Variants in SLC26A1 observed in about 807,000 individuals in gnomAD.
The protein encoded by SLC26A1 is sulfate anion transporter 1.
In SLC26A1, 18 loss-of-function variants were observed where a neutral mutation model predicts 14.5. That is an observed-to-expected ratio of 1.24 (90% CI 0.86 to 1.84). SLC26A1 has a LOEUF of 1.84. Among genes scored for constraint, SLC26A1 ranks in the 40% most tolerant of loss-of-function variants. The pLI is 0.00. For synonymous variants in SLC26A1, 505 were observed against 492.0 expected (o/e 1.03, Z -0.35); for missense variants, 1,049 against 1,020.0 (o/e 1.03, Z -0.39).
Position 989,978 on chromosome 4 carries a change from C to T in SLC26A1, c.961G>A (p.Gly321Ser), listed in dbSNP as rs1294491060. The change falls in exon 3 of 3, where the codon GGC becomes AGC. Residue 321 changes from glycine to serine, a missense_variant. Coordinates refer to ENST00000398516, the MANE Select transcript of SLC26A1 (RefSeq NM_022042.4). The part of the protein sequence containing the change: ...LHKRFGSSVA[G>S]DIPTGFMPPQ... ...GGCATGAAACCCGTGGGGATGTCGCCAGCCACGCTCGAGCCAAAGCGCTTG... is the reference window on the plus strand; with the variant it reads ...GGCATGAAACCCGTGGGGATGTCGCTAGCCACGCTCGAGCCAAAGCGCTTG... The T allele has an allele frequency of 6.4e-7, 1 of 1,558,066 alleles. No homozygotes were observed. The highest frequency in any genetic ancestry group is 8.7e-7 in the Non-Finnish European group (1 of 1,152,860).
chr4:986,062 G>A (rs1335448148), downstream of SLC26A1, among the ~76,000 whole-genome samples: 1 of 152,052 alleles, frequency 6.6e-6, no homozygotes, highest in Non-Finnish European at 1.5e-5. Context: ...GGGCCTCACA[G>A]GCATATACCA....
In SLC26A1 at chr4:989,203, T is replaced by C; in HGVS notation, c.1736A>G (p.Glu579Gly). ...MAARRKEGGS[E>G]TGVGEGGPAQ... is the part of the protein sequence containing the mutation. ...AGGGCCTCCCTCACCGACCCCCGTC[T>C]CTGAGCCCCCCTCCTTCCTCCTGGC... Residue 579 changes from glutamate (E) to glycine (G), a missense_variant, in exon 3 of 3, where the codon GAG becomes GGG. By Grantham distance (98) the Glu-to-Gly change is moderately conservative (BLOSUM62 -2). Coordinates refer to ENST00000398516, the MANE Select transcript of SLC26A1 (RefSeq NM_022042.4). 1 of 1,608,248 alleles carries C rather than the reference T, an allele frequency of 6.2e-7. No individual in the cohort carries two copies. The highest frequency in any genetic ancestry group is 8.5e-7 in the Non-Finnish European group (1 of 1,176,742).
chr4:981,559 G>A (rs1357907840), intron 2 of SLC26A1, among the ~76,000 whole-genome samples: 1 of 152,164 alleles, frequency 6.6e-6, no homozygotes, highest in African/African-American at 2.4e-5. Flanking sequence ...GCCTGCTTGA[G>A]CCTGAGAGGT....
chr4:992,259 A>T (rs548043291), intron 1 of SLC26A1: 1 of 454,544 alleles, frequency 2.2e-6, no homozygotes, highest in Non-Finnish European at 4.4e-6. Flanking sequence ...TGTCCACCCC[A>T]TGCCCACACC....
chr4:989,771 G>T lies in SLC26A1; in HGVS notation c.1168C>A (p.Leu390Ile). 6.4e-7 allele frequency: 1 copy of T among 1,563,952 alleles called. No homozygotes were observed. The highest frequency in any genetic ancestry group is 1.4e-5 in the African/African-American group (1 of 74,016). ...GCGGCGCTGGTGGCGAAGCAGTGGA[G>T]GAAGGCGGGTAGCACGTTGCAGCAG... ...VGCCNVLPAF[L>I]HCFATSAALA... Residue 390 changes from leucine to isoleucine, a missense_variant, in exon 3 of 3, where the codon CTC becomes ATC. Physicochemically the swap from Leu to Ile is conservative, Grantham distance 5 (BLOSUM62 2). Coordinates refer to ENST00000398516, the MANE Select transcript of SLC26A1 (RefSeq NM_022042.4).
In SLC26A1 at chr4:989,864, G is replaced by A; in HGVS notation, c.1075C>T (p.Leu359=). The A allele has an allele frequency of 6.3e-7, 1 of 1,576,068 alleles. No individual in the cohort carries two copies. The highest frequency in any genetic ancestry group is 8.6e-7 in the Non-Finnish European group (1 of 1,161,886). The change falls in exon 3 of 3, where the codon CTG becomes TTG. Residue 359 remains leucine, a synonymous_variant. Transcript: ENST00000398516. ...ALVAAAFSIS[L]AEMFARSHGY... is the part of the protein sequence containing the mutation. ...TGACTGCGGGCGAACATCTCCGCCAGCGAGATGGAGAAGGCGGCAGCCACG... is the reference window on the plus strand; with the variant it reads ...TGACTGCGGGCGAACATCTCCGCCAACGAGATGGAGAAGGCGGCAGCCACG...
chr4:989,209 C>G lies in SLC26A1; in HGVS notation c.1730G>C (p.Gly577Ala), dbSNP rs776670233. Residue 577 changes from glycine (G) to alanine (A), a missense_variant, in exon 3 of 3, where the codon GGC (glycine) becomes GCC (alanine). Physicochemically the swap from Gly to Ala is moderately conservative, Grantham distance 60. Coordinates refer to ENST00000398516, the MANE Select transcript of SLC26A1 (RefSeq NM_022042.4). ...TCCCTCACCGACCCCCGTCTCTGAG[C>G]CCCCCTCCTTCCTCCTGGCAGCCAT... The part of the protein sequence containing the change: ...GCMAARRKEG[G>A]SETGVGEGGP... 1.1e-5 allele frequency: 17 copies of G among 1,609,266 alleles called. No homozygotes were observed. The South Asian group carries it at 1.7e-4, about 16-fold the overall frequency.
In SLC26A1 at chr4:991,602, C is replaced by T; in HGVS notation, c.102G>A (p.Arg34=). 3 of 1,595,160 alleles carry T rather than the reference C, an allele frequency of 1.9e-6. No individual in the cohort carries two copies. The highest frequency in any genetic ancestry group is 2.6e-6 in the Non-Finnish European group (3 of 1,176,122). Residue 34 remains arginine, a synonymous_variant, in exon 2 of 3, where the codon AGG becomes AGA. Transcript: ENST00000398516. The stretch of plus-strand genomic sequence containing the variant: ...CACTGCACGAGCAGCTGCACCACAG[C>T]CTGGCCTTCAGCATCTCACGCAGAC... ...PRGLREMLKA[R]LWCSCSCSVL...
At position 988,976 on chromosome 4, in the gene SLC26A1, C is replaced by G. The variant is rs1713974322; in HGVS notation, c.1963G>C (p.Asp655His). The part of the protein sequence containing the change: ...LLACCSPPVR[D>H]ILSRGGFLGE... ...AGGAAGCCTCCTCTGCTCAGAATGT[C>G]TCTCACAGGCGGGCTGCAGCAGGCT... The change falls in exon 3 of 3, where the codon GAC becomes CAC. Residue 655 changes from aspartate to histidine, a missense_variant. Asp to His is a moderately conservative substitution (Grantham distance 81, BLOSUM62 -1). Coordinates refer to ENST00000398516, the MANE Select transcript of SLC26A1 (RefSeq NM_022042.4). The G allele has an allele frequency of 1.9e-6, 3 of 1,595,912 alleles. No individual in the cohort carries two copies. The highest frequency in any genetic ancestry group is 2.6e-6 in the Non-Finnish European group (3 of 1,171,850).
chr4:990,305 GC>G lies in SLC26A1; in HGVS notation c.633del (p.Leu212SerfsTer10), dbSNP rs1449890818. The G allele has an allele frequency of 3.7e-6, 6 of 1,605,078 alleles. No homozygotes were observed. Reference sequence around the variant, plus strand: ...GAGGCCCCCATGGCAAAGCCATCGAGCAGTGGCTGTGAGAGGTAGGCGGACA... The same window carrying G: ...GAGGCCCCCATGGCAAAGCCATCGAGAGTGGCTGTGAGAGGTAGGCGGACA... ...GFVSAYLSQP[L>X]LDGFAMGASV... On this transcript the variant is annotated frameshift_variant, in exon 3 of 3. Transcript: ENST00000398516. LOFTEE classifies it low-confidence loss of function (END_TRUNC).
chr4:992,939 G>C (rs1026410194), intron 1 of SLC26A1: 2 of 152,272 alleles, frequency 1.3e-5, no homozygotes, highest in African/African-American at 4.8e-5. Flanking sequence ...TTGCACGCTG[G>C]CCCAGGGTGT....
chr4:987,682 T>G lies in SLC26A1; in HGVS notation c.*1151A>C. ...TTCCTGGCCCTAAGGGTCATTTTAT[T>G]AGTCACTGAACGCACGGGCAGCGCC... On this transcript the variant is annotated 3_prime_UTR_variant, in exon 3 of 3. Transcript: ENST00000398516. 1.3e-6 allele frequency: 2 copies of G among 1,507,116 alleles called. No homozygotes were observed. Among genetic ancestry groups the G allele is most frequent in the East Asian group, 4.9e-5 (2 of 40,654 alleles). 93.4% of individuals were successfully genotyped at this position (1,507,116 alleles called of 1,614,324 possible). A position where few individuals can be genotyped will look rare whatever the true frequency, so the allele number is the denominator to read the frequency against.
chr4:984,916 G>A (rs1159465400), downstream of SLC26A1, among the ~76,000 whole-genome samples: 1 of 152,226 alleles, frequency 6.6e-6, no homozygotes, highest in Non-Finnish European at 1.5e-5. Flanking sequence ...CATGCACTTT[G>A]TAATAATTTT....
At position 991,621 on chromosome 4, in the gene SLC26A1, C is replaced by CGCA; in HGVS notation, c.80_82dup (p.Leu27dup). Reference sequence around the variant, plus strand: ...CCACAGCCTGGCCTTCAGCATCTCACGCAGACCCCGGGGTGCTGGGCGCTG... The same window carrying CGCA: ...CCACAGCCTGGCCTTCAGCATCTCACGCAGCAGACCCCGGGGTGCTGGGCGCTG... On this transcript the variant is annotated inframe_insertion, in exon 2 of 3. Coordinates refer to ENST00000398516, the MANE Select transcript of SLC26A1 (RefSeq NM_022042.4). The CGCA allele has an allele frequency of 2.5e-6, 4 of 1,585,538 alleles. No individual in the cohort carries two copies. Among genetic ancestry groups the CGCA allele is most frequent in the Non-Finnish European group, 3.4e-6 (4 of 1,172,122 alleles).
chr4:982,414 G>T (rs1713571999), intron 2 of SLC26A1, among the ~76,000 whole-genome samples: 1 of 152,250 alleles, frequency 6.6e-6, no homozygotes, highest in African/African-American at 2.4e-5. Context: ...CCCCTGGGCT[G>T]CCTGGCAAGC....
downstream of SLC26A1, among the ~76,000 whole-genome samples, chr4:983,658 C>T (rs1713614334): frequency 6.6e-6 from 1 of 152,204 alleles, no homozygotes; most frequent in African/African-American, 2.4e-5. Context: ...GCTCTGAAAG[C>T]TGCTGTGTCA....
chr4:987,655 C>T, downstream of SLC26A1: 2 of 1,461,070 alleles, frequency 1.4e-6, no homozygotes, highest in East Asian at 5.0e-5. Flanking sequence ...GACCTCCCCA[C>T]ATTCCTGGCC....
intron 1 of SLC26A1, chr4:992,065 T>G: frequency 3.7e-6 from 2 of 545,686 alleles, no homozygotes; most frequent in Non-Finnish European, 7.1e-6. Flanking sequence ...GGTTCCTGGC[T>G]GAAAACCACC....
chr4:992,136 C>T (rs929295087), intron 1 of SLC26A1: 6 of 482,044 alleles, frequency 1.2e-5, no homozygotes, highest in South Asian at 6.2e-5. Flanking sequence ...TGCCACCACG[C>T]ACATGTGCCT....
Sources: allele counts gnomAD v4.1 joint callset (sites outside exome capture counted in the v4.1 genomes callset), GRCh38; gene constraint gnomAD v4.1.1; transcripts MANE v1.5; gene names NCBI Gene and HGNC (gene_info 2026-07-23, HGNC 2026-07-21).